The following DNM2 variants were observed in gnomAD, a reference collection of about 807,000 sequenced individuals.
The protein encoded by DNM2 is dynamin 2.
Under a neutral mutation model 99.0 loss-of-function variants are expected in DNM2, and 15 were observed. The observed-to-expected ratio is 0.15, with a 90% CI of 0.10 to 0.23. The LOEUF (loss-of-function observed/expected upper bound fraction) is 0.23. DNM2 is among the 10% of genes least tolerant of loss of function. The pLI is 1.00. For missense variants in DNM2, 742 were observed against 1,189.4 expected, an observed-to-expected ratio of 0.62 and a Z score of 5.53; for synonymous variants, 525 against 481.2, an observed-to-expected ratio of 1.09 and a Z score of -1.19.
intron 1 of DNM2, among the ~76,000 whole-genome samples, chr19:10,758,794 A>G (rs1297805010): frequency 6.6e-6 from 1 of 151,980 alleles, no homozygotes; most frequent in Non-Finnish European, 1.5e-5. Context: ...TGATCCGCCC[A>G]CCTCGGCCTC....
In DNM2 at chr19:10,820,420, G is replaced by A. The variant is rs926306429; in HGVS notation, c.1781+331G>A. On this transcript the variant is annotated intron_variant, in intron 16 of 20. Coordinates refer to ENST00000389253, the MANE Select transcript of DNM2 (RefSeq NM_001005361.3). This position sits in a 1 kb window ranked among gnomAD's most constrained non-coding sequence, Gnocchi z 4.3. ...GGCTGAGAGGGAAACAGTATGAGAG[G>A]GTGAGAGATGGGGGACGAGGGCAAA... 2.0e-5 allele frequency among the ~76,000 whole-genome samples: 3 copies of A among 152,202 alleles called. No individual in the cohort carries two copies. Among genetic ancestry groups the A allele is most frequent in the Admixed American group, 1.3e-4 (2 of 15,270 alleles).
At chr19:10,743,371 C>G (rs972840939) in intron 1 of DNM2, among the ~76,000 whole-genome samples, 6 of 151,940 alleles carry the variant, frequency 3.9e-5, no homozygotes, top group Non-Finnish European at 8.8e-5. Flanking sequence ...CACAGGTGCT[C>G]GGGTGAGAAA....
At chr19:10,779,498 CTTTCTTTTT>C (rs1294438870) in intron 5 of DNM2, among the ~76,000 whole-genome samples, 2 of 54,460 alleles carry the variant, frequency 3.7e-5, no homozygotes, top group African/African-American at 1.5e-4. Context: ...TTCTTTCTTT[CTTTCTTTTT>C]TTTTTTTTTT....
chr19:10,781,896 C>T (rs1164510182), intron 5 of DNM2: 4 of 152,104 alleles, frequency 2.6e-5, no homozygotes, highest in South Asian at 4.2e-4. Flanking sequence ...ACCTCCTTCT[C>T]GGTGTAGTTT....
At chr19:10,815,647 A>C (rs2072711091) in intron 15 of DNM2, among the ~76,000 whole-genome samples, 1 of 152,154 alleles carries the variant, frequency 6.6e-6, no homozygotes, top group Non-Finnish European at 1.5e-5. Flanking sequence ...TGTCAGGTGC[A>C]GGGCCAGCTG....
chr19:10,738,081 C>A (rs1375725767), intron 1 of DNM2, among the ~76,000 whole-genome samples: 1 of 151,956 alleles, frequency 6.6e-6, no homozygotes, highest in Non-Finnish European at 1.5e-5. Context: ...GCAGAGGAGA[C>A]AAGCATTAGT....
chr19:10,823,515 G>A (rs1031188502), intron 16 of DNM2: 38 of 451,076 alleles, frequency 8.4e-5, no homozygotes, highest in Middle Eastern at 6.5e-4. Context: ...AGTTGGTGTC[G>A]AGGGTCACAT....
chr19:10,729,089 C>G (rs933010751), intron 1 of DNM2, among the ~76,000 whole-genome samples: 1 of 104,070 alleles, frequency 9.6e-6, no homozygotes, highest in African/African-American at 3.8e-5. Context: ...GGCGTGAACC[C>G]GGGAGGCGGA....
At chr19:10,780,841 T>A (rs942315252) in intron 5 of DNM2, among the ~76,000 whole-genome samples, 1 of 151,976 alleles carries the variant, frequency 6.6e-6, no homozygotes, top group Non-Finnish European at 1.5e-5. Context: ...GGCGGGTGGA[T>A]CAAACCCCAG....
chr19:10,756,501 G>A (rs968921342), intron 1 of DNM2, among the ~76,000 whole-genome samples: 2 of 152,188 alleles, frequency 1.3e-5, no homozygotes, highest in African/African-American at 2.4e-5. Context: ...GGAGGCTGAC[G>A]GAAAGGGATT....
chr19:10,747,108 G>T (rs1045663566), intron 1 of DNM2, among the ~76,000 whole-genome samples: 1 of 151,706 alleles, frequency 6.6e-6, no homozygotes, highest in South Asian at 2.1e-4. Flanking sequence ...AAACTCCTGG[G>T]CTCAAGAGAT....
chr19:10,756,967 G>A (rs544880175), intron 1 of DNM2, among the ~76,000 whole-genome samples: 7 of 152,210 alleles, frequency 4.6e-5, no homozygotes, highest in African/African-American at 1.2e-4. Flanking sequence ...CCAGAGGGGG[G>A]TTTAAAAGCT....
chr19:10,759,636 C>T (rs574425726), intron 1 of DNM2, 102 bp from the exon 2 acceptor site: 21 of 1,459,924 alleles, frequency 1.4e-5, no homozygotes, highest in African/African-American at 1.3e-4. Flanking sequence ...TTGCTGAGGT[C>T]GCCCAAATTG....
intron 6 of DNM2, among the ~76,000 whole-genome samples, chr19:10,784,819 A>ATTTTTTTTTTTT (rs35575438): frequency 1.0e-5 from 1 of 99,464 alleles, no homozygotes; most frequent in African/African-American, 4.1e-5. Flanking sequence ...TTTTTTGATG[A>ATTTTTTTTTTTT]TTTTTTTTTT....
intron 1 of DNM2, among the ~76,000 whole-genome samples, chr19:10,738,953 G>A (rs1195574382): frequency 6.6e-6 from 1 of 151,650 alleles, no homozygotes; most frequent in South Asian, 2.1e-4. Flanking sequence ...CGGATCACGA[G>A]GTCAGGAGAT....
intron 13 of DNM2, among the ~76,000 whole-genome samples, chr19:10,807,862 G>T (rs1324275061): frequency 6.6e-6 from 1 of 151,080 alleles, no homozygotes; most frequent in East Asian, 2.0e-4. Flanking sequence ...AGAAAACCTG[G>T]ACGGGCACGG....
chr19:10,757,813 C>T (rs1358373892), intron 1 of DNM2, among the ~76,000 whole-genome samples: 2 of 151,824 alleles, frequency 1.3e-5, no homozygotes, highest in Non-Finnish European at 2.9e-5. Context: ...GGCATGGTAG[C>T]GCGTGCATGT....
chr19:10,763,793 A>C (rs1415641775), intron 2 of DNM2, among the ~76,000 whole-genome samples: 2 of 152,146 alleles, frequency 1.3e-5, no homozygotes, highest in Non-Finnish European at 2.9e-5. Context: ...CTGGGGTGGC[A>C]TGCATGGTGG....
Position 10,783,230 on chromosome 19 carries a change from A to G in DNM2, c.849+110A>G, listed in dbSNP as rs535359003. The G allele has an allele frequency of 6.0e-5, 91 of 1,510,458 alleles. 3 individuals carry two copies. The South Asian group carries it at 9.7e-4, about 16-fold the overall frequency. 93.6% of individuals were successfully genotyped at this position (1,510,458 alleles called of 1,614,324 possible). On this transcript the variant is annotated intron_variant, in intron 6 of 20. Transcript: ENST00000389253. ...GGCTAGAGCAGCACTTGTTTTAGCA[A>G]AATGGGTTCAGTCCACATTTAGCCT...
Sources: allele counts gnomAD v4.1 joint callset (sites outside exome capture counted in the v4.1 genomes callset), GRCh38; gene constraint gnomAD v4.1.1; non-coding constraint Gnocchi (gnomAD v3.1); transcripts MANE v1.5; gene names NCBI Gene and HGNC (gene_info 2026-07-23, HGNC 2026-07-21).